The following IL1RAP variants were observed in gnomAD, a reference collection of about 807,000 sequenced individuals.
IL1RAP encodes the protein interleukin-1 receptor accessory protein.
In IL1RAP, 35 loss-of-function variants were observed where a neutral mutation model predicts 60.7. That is an observed-to-expected ratio of 0.58 (90% CI 0.44 to 0.76). The LOEUF is 0.76. IL1RAP is among the 30% of genes least tolerant of loss of function. The pLI is 0.00. For missense variants in IL1RAP, 572 were observed against 693.9 expected, an observed-to-expected ratio of 0.82 and a Z score of 1.97; for synonymous variants, 268 against 250.9, an observed-to-expected ratio of 1.07 and a Z score of -0.64.
In IL1RAP at chr3:190,552,648, C is replaced by T. The variant is rs1043880317; in HGVS notation, c.-88-3482C>T. Among the ~76,000 whole-genome samples the T allele has an allele frequency of 6.6e-5, 10 of 152,000 alleles. No individual in the cohort carries two copies. In the East Asian group the frequency reaches 1.7e-3, roughly 26 times the overall value. On this transcript the variant is annotated intron_variant, in intron 1 of 11. Transcript: ENST00000447382. ...ACACATATACAACTACACCCAGTCCCCACAAGATCCTTCATTTGGCAATCT... is the reference window on the plus strand; with the variant it reads ...ACACATATACAACTACACCCAGTCCTCACAAGATCCTTCATTTGGCAATCT...
chr3:190,541,040 A>C (rs1422998579), intron 1 of IL1RAP, among the ~76,000 whole-genome samples: 1 of 152,110 alleles, frequency 6.6e-6, no homozygotes, highest in Admixed American at 6.5e-5. Context: ...CAAACTTCAC[A>C]TATCTTTATG....
intron 3 of IL1RAP, among the ~76,000 whole-genome samples, chr3:190,590,348 CG>C (rs1728838938): frequency 6.6e-6 from 1 of 151,838 alleles, no homozygotes. Context: ...CTCTACCTCC[CG>C]GGTTCAAGCA....
At chr3:190,519,467 G>T (rs570706150) in intron 1 of IL1RAP, among the ~76,000 whole-genome samples, 7 of 152,140 alleles carry the variant, frequency 4.6e-5, no homozygotes, top group Non-Finnish European at 8.8e-5. Flanking sequence ...CTTGCCCAAG[G>T]TTTCCTAATT....
intron 3 of IL1RAP, among the ~76,000 whole-genome samples, chr3:190,565,940 A>ATATTAGCC (rs1726348480): frequency 6.6e-6 from 1 of 151,708 alleles, no homozygotes; most frequent in African/African-American, 2.4e-5. Context: ...CCCTGATATT[A>ATATTAGCC]TATTAGCCTT....
chr3:190,590,475 G>A (rs886172123), intron 3 of IL1RAP, among the ~76,000 whole-genome samples: 6 of 152,164 alleles, frequency 3.9e-5, no homozygotes, highest in East Asian at 3.9e-4. Flanking sequence ...AGCCGGTCGC[G>A]AACTCCTGAG....
At chr3:190,585,510 C>A (rs1728374195) in intron 3 of IL1RAP, among the ~76,000 whole-genome samples, 3 of 152,096 alleles carry the variant, frequency 2.0e-5, no homozygotes. Flanking sequence ...TCATACTAAT[C>A]ATTAACATGT....
chr3:190,629,535 A>C (rs751448745), intron 9 of IL1RAP, 37 bp downstream of exon 9: 7 of 1,578,584 alleles, frequency 4.4e-6, no homozygotes, highest in Non-Finnish European at 3.4e-6. Flanking sequence ...TCTCAGCTCC[A>C]AATTAACATT....
At chr3:190,550,575 C>T (rs1315360473) in intron 1 of IL1RAP, 1 of 152,210 alleles carries the variant, frequency 6.6e-6, no homozygotes, top group Non-Finnish European at 1.5e-5. Context: ...CTTGGTCTTA[C>T]TTTCCCAAAA....
At chr3:190,606,567 G>A (rs1730346108) in intron 4 of IL1RAP, among the ~76,000 whole-genome samples, 1 of 152,306 alleles carries the variant, frequency 6.6e-6, no homozygotes, top group South Asian at 2.1e-4. Context: ...CTTGCCTGTA[G>A]ATCTTCCACA....
At chr3:190,629,240 C>T (rs779917083) in intron 8 of IL1RAP, 110 bp from the exon 9 acceptor site, 48 of 696,824 alleles carry the variant, frequency 6.9e-5, no homozygotes, top group Admixed American at 3.4e-4. Flanking sequence ...CAACCTTCCT[C>T]GCCCTCACCT....
At chr3:190,645,270 A>G (rs1033935473) in intron 10 of IL1RAP, among the ~76,000 whole-genome samples, 1 of 152,182 alleles carries the variant, frequency 6.6e-6, no homozygotes, top group African/African-American at 2.4e-5. Flanking sequence ...ATCTAATTAT[A>G]TTTTTAATTT....
chr3:190,646,220 A>G (rs1379329722), intron 11 of IL1RAP, among the ~76,000 whole-genome samples: 2 of 152,084 alleles, frequency 1.3e-5, no homozygotes, highest in Non-Finnish European at 2.9e-5. Flanking sequence ...TTTTTTTTTA[A>G]AGCAGTTTTA....
At chr3:190,528,955 G>A (rs1277943299) in intron 1 of IL1RAP, among the ~76,000 whole-genome samples, 1 of 152,166 alleles carries the variant, frequency 6.6e-6, no homozygotes, top group Non-Finnish European at 1.5e-5. Context: ...GAGAGACTGG[G>A]CAACTGAAGG....
chr3:190,534,986 T>A (rs1241896609), intron 1 of IL1RAP, among the ~76,000 whole-genome samples: 2 of 151,594 alleles, frequency 1.3e-5, no homozygotes, highest in Non-Finnish European at 2.9e-5. Context: ...GTCCTCTGTT[T>A]AAAATATGTC....
rs189280445 is a variant in IL1RAP at position 190,631,684 on chromosome 3, A to G, written c.1051+2186A>G. ...ACATCAAGAAAAGACTAAGGCCTGGAATGAGAGAAAGACACTGGTGTAGGT... is the reference window on the plus strand; with the variant it reads ...ACATCAAGAAAAGACTAAGGCCTGGGATGAGAGAAAGACACTGGTGTAGGT... On this transcript the variant is annotated intron_variant, in intron 9 of 11. Coordinates refer to ENST00000447382, the MANE Select transcript of IL1RAP (RefSeq NM_002182.4). Among the ~76,000 whole-genome samples the G allele has an allele frequency of 8.5e-5, 13 of 152,360 alleles. No homozygotes were observed. In the East Asian group the frequency reaches 2.3e-3, roughly 27 times the overall value.
intron 1 of IL1RAP, among the ~76,000 whole-genome samples, chr3:190,522,820 T>C (rs1166868998): frequency 6.6e-6 from 1 of 152,154 alleles, no homozygotes; most frequent in Non-Finnish European, 1.5e-5. Flanking sequence ...TGTGGATACC[T>C]TCTGAAATGA....
intron 1 of IL1RAP, among the ~76,000 whole-genome samples, chr3:190,522,485 A>T (rs1722170876): frequency 6.6e-6 from 1 of 151,738 alleles, no homozygotes; most frequent in East Asian, 1.9e-4. Flanking sequence ...ATAAGGTTCA[A>T]GTAAGAAAAA....
intron 1 of IL1RAP, among the ~76,000 whole-genome samples, chr3:190,534,328 T>C (rs545414303): frequency 3.8e-4 from 58 of 152,222 alleles, no homozygotes; most frequent in African/African-American, 1.3e-3. Context: ...AAATCTATCA[T>C]GTTTGGATAT....
At chr3:190,552,300 T>C (rs1161100390) in intron 1 of IL1RAP, among the ~76,000 whole-genome samples, 2 of 152,226 alleles carry the variant, frequency 1.3e-5, no homozygotes, top group Non-Finnish European at 2.9e-5. Context: ...AACAGTCCCT[T>C]GTTGTGCTTT....
Sources: gnomAD v4.1 joint callset for allele counts (sites outside exome capture counted in the v4.1 genomes callset) on GRCh38, gnomAD v4.1.1 for gene constraint, MANE v1.5 for transcripts, NCBI Gene and HGNC (gene_info 2026-07-23, HGNC 2026-07-21) for gene names.